Variants in CSMD1 observed in about 807,000 individuals in gnomAD.
CSMD1 encodes CUB and Sushi multiple domains 1.
Under a neutral mutation model 417.5 loss-of-function variants are expected in CSMD1, and 213 were observed. That is an observed-to-expected ratio of 0.51 (90% CI 0.46 to 0.57). The LOEUF is 0.57. Ranked by LOEUF, CSMD1 falls within the 20% of genes least tolerant of loss-of-function variation. CSMD1 has a pLI of 0.00. For synonymous variants in CSMD1, 2,862 were observed against 1,736.8 expected (o/e 1.65, Z -16.11); for missense variants, 6,923 against 4,529.7 (o/e 1.53, Z -15.17).
At position 4,495,169 on chromosome 8, in the gene CSMD1, T is replaced by C. The variant is rs997532814; in HGVS notation, c.303-75104A>G. Reference sequence around the variant, plus strand: ...GAGGTAGGAACCGGGACTTCCATTATACTTAGCATTACCCAGAATTTCATG... The same window carrying C: ...GAGGTAGGAACCGGGACTTCCATTACACTTAGCATTACCCAGAATTTCATG... On this transcript the variant is annotated intron_variant, in intron 2 of 69. Transcript: ENST00000635120. Among the ~76,000 whole-genome samples the C allele has an allele frequency of 2.6e-5, 4 of 152,178 alleles. No individual in the cohort carries two copies. The East Asian group carries it at 7.7e-4, about 29-fold the overall frequency.
intron 2 of CSMD1, among the ~76,000 whole-genome samples, chr8:4,602,319 C>A (rs901709754): frequency 1.3e-5 from 2 of 152,020 alleles, no homozygotes; most frequent in African/African-American, 4.8e-5. Flanking sequence ...TTCAGAGGTC[C>A]GAAGCCAAAC....
chr8:4,235,810 G>C (rs1330360902), intron 3 of CSMD1, among the ~76,000 whole-genome samples: 3 of 152,058 alleles, frequency 2.0e-5, no homozygotes, highest in Admixed American at 1.3e-4. Context: ...ATTTGTTTTT[G>C]TAACTTGAGA....
intron 1 of CSMD1, among the ~76,000 whole-genome samples, chr8:4,740,738 G>T (rs1001011470): frequency 1.3e-5 from 2 of 152,096 alleles, no homozygotes; most frequent in Non-Finnish European, 2.9e-5. Context: ...GGGCAATAGA[G>T]CAAGATCCTG....
intron 1 of CSMD1, among the ~76,000 whole-genome samples, chr8:4,837,326 G>C (rs1423659066): frequency 6.6e-6 from 1 of 152,130 alleles, no homozygotes; most frequent in South Asian, 2.1e-4. Context: ...GTTTACAATA[G>C]CAGAGATTTG....
rs552052147 is a variant in CSMD1 at position 4,854,932 on chromosome 8, T to A, written c.85+139400A>T. 8.5e-5 allele frequency among the ~76,000 whole-genome samples: 13 copies of A among 152,326 alleles called. No homozygotes were observed. In the East Asian group the frequency reaches 2.3e-3, roughly 27 times the overall value. On this transcript the variant is annotated intron_variant, in intron 1 of 69. Transcript: ENST00000635120. The stretch of plus-strand genomic sequence containing the variant: ...CCAGCACAGCTCAAGGAGGTCTGCC[T>A]GCCTCTGTAGGCTCCACCTCTGGGG...
intron 3 of CSMD1, among the ~76,000 whole-genome samples, chr8:4,357,255 G>C (rs1323639130): frequency 6.6e-6 from 1 of 152,148 alleles, no homozygotes; most frequent in Non-Finnish European, 1.5e-5. Flanking sequence ...TAGAGGTTCA[G>C]GGACTAAAAA....
chr8:4,109,300 G>C (rs1305016981), intron 3 of CSMD1, among the ~76,000 whole-genome samples: 2 of 152,158 alleles, frequency 1.3e-5, no homozygotes, highest in African/African-American at 4.8e-5. Flanking sequence ...AGGAGCAGCT[G>C]TATTTTTTTT....
intron 5 of CSMD1, among the ~76,000 whole-genome samples, chr8:3,975,772 G>C (rs371909057): frequency 1.5e-4 from 23 of 152,138 alleles, no homozygotes; most frequent in East Asian, 1.2e-3. Flanking sequence ...GTCTTCAAAA[G>C]ATTTCTCTGA....
intron 5 of CSMD1, among the ~76,000 whole-genome samples, chr8:3,848,986 T>G (rs990817544): frequency 2.0e-5 from 3 of 151,720 alleles, no homozygotes; most frequent in Non-Finnish European, 2.9e-5. Context: ...TAGTTAATCT[T>G]ATAATAATGG....
intron 5 of CSMD1, among the ~76,000 whole-genome samples, chr8:3,906,119 G>A (rs904548800): frequency 2.6e-5 from 4 of 152,076 alleles, no homozygotes; most frequent in Non-Finnish European, 4.4e-5. Flanking sequence ...GTTGCTGTGG[G>A]AATTCCTTCC....
intron 3 of CSMD1, among the ~76,000 whole-genome samples, chr8:4,169,475 C>T (rs937391642): frequency 3.3e-5 from 5 of 152,160 alleles, no homozygotes; most frequent in Non-Finnish European, 7.3e-5. Context: ...AAATCTGACT[C>T]AATTCTGACC....
At chr8:4,447,140 A>G (rs1242419359) in intron 2 of CSMD1, among the ~76,000 whole-genome samples, 1 of 152,210 alleles carries the variant, frequency 6.6e-6, no homozygotes, top group African/African-American at 2.4e-5. Context: ...AGAATGTTAA[A>G]GACAAACAAC....
At chr8:3,321,288 G>C (rs1024567794) in intron 23 of CSMD1, among the ~76,000 whole-genome samples, 1 of 152,130 alleles carries the variant, frequency 6.6e-6, no homozygotes, top group African/African-American at 2.4e-5. Flanking sequence ...AGTCTTCTAA[G>C]GATCCTGCCA....
At chr8:4,697,872 A>G (rs142892093) in intron 1 of CSMD1, among the ~76,000 whole-genome samples, 1 of 152,352 alleles carries the variant, frequency 6.6e-6, no homozygotes, top group East Asian at 1.9e-4. Flanking sequence ...AATATCTTAC[A>G]TAATATGTAA....
At chr8:4,437,322 A>T (rs984892911) in intron 2 of CSMD1, among the ~76,000 whole-genome samples, 2 of 152,176 alleles carry the variant, frequency 1.3e-5, no homozygotes, top group Non-Finnish European at 2.9e-5. Flanking sequence ...AAAAAAAATA[A>T]GCTTGTTTTA....
At position 4,333,734 on chromosome 8, in the gene CSMD1, C is replaced by G. The variant is rs147014637; in HGVS notation, c.415+86219G>C. Among the ~76,000 whole-genome samples, 600 of 152,186 alleles carry G rather than the reference C, an allele frequency of 3.9e-3. 4 individuals are homozygous for G. Among genetic ancestry groups the G allele is most frequent in the Non-Finnish European group, 3.5e-3 (236 of 68,002 alleles). ...AAAGGACTGCTTACAATGACAGATT[C>G]CAAGATCTAGTCCGCTGCCTGCCAC... On this transcript the variant is annotated intron_variant, in intron 3 of 69. Transcript: ENST00000635120.
At chr8:4,185,354 T>C (rs1453844906) in intron 3 of CSMD1, among the ~76,000 whole-genome samples, 1 of 152,074 alleles carries the variant, frequency 6.6e-6, no homozygotes, top group Non-Finnish European at 1.5e-5. Context: ...ACAGGTTTAC[T>C]ATGAAGATTA....
At chr8:3,367,559 T>C (rs1401686828) in intron 19 of CSMD1, among the ~76,000 whole-genome samples, 2 of 152,136 alleles carry the variant, frequency 1.3e-5, no homozygotes, top group African/African-American at 4.8e-5. Context: ...AATATTAAAA[T>C]GTTATCTTGA....
At chr8:3,456,341 G>A (rs564948435) in intron 12 of CSMD1, among the ~76,000 whole-genome samples, 30 of 126,866 alleles carry the variant, frequency 2.4e-4, no homozygotes, top group African/African-American at 7.3e-4. Context: ...TGACATGAAC[G>A]AGGTACCTCA....
Sources: gnomAD v4.1 joint callset for allele counts (sites outside exome capture counted in the v4.1 genomes callset) on GRCh38, gnomAD v4.1.1 for gene constraint, MANE v1.5 for transcripts, NCBI Gene and HGNC (gene_info 2026-07-23, HGNC 2026-07-21) for gene names.